Variants in DNAH8 observed in about 807,000 individuals in gnomAD.
DNAH8 encodes the protein dynein axonemal heavy chain 8.
In DNAH8, 382 loss-of-function variants were observed where a neutral mutation model predicts 562.1. The ratio of observed to expected loss-of-function variants is 0.68; its 90% CI spans 0.63 to 0.74. DNAH8 has a LOEUF of 0.74. Ranked by LOEUF, DNAH8 falls within the 30% of genes least tolerant of loss-of-function variation. The pLI is 0.00. For synonymous variants in DNAH8, 1,881 were observed against 1,919.4 expected (o/e 0.98, Z 0.52); for missense variants, 5,203 against 5,620.4 (o/e 0.93, Z 2.37).
Position 38,870,438 on chromosome 6 carries a change from A to G in DNAH8, c.6866A>G (p.Asn2289Ser). Residue 2289 changes from asparagine (N) to serine (S), a missense_variant, in exon 49 of 93, where the codon AAT becomes AGT. Asn to Ser is a conservative substitution (Grantham distance 46). Transcript: ENST00000327475. ...EDEPLFLSLI[N>S]DLFPGLQLDS... is the part of the protein sequence containing the mutation. ...GAACCCCTGTTCCTCAGCTTAATCA[A>G]TGACCTGTTCCCAGGACTGCAACTG... 1 of 1,614,068 alleles carries G rather than the reference A, an allele frequency of 6.2e-7. No homozygotes were observed.
intron 82 of DNAH8, among the ~76,000 whole-genome samples, chr6:38,963,737 C>A (rs2150671572): frequency 1.8e-5 from 1 of 55,776 alleles, no homozygotes; most frequent in Non-Finnish European, 3.3e-5. Flanking sequence ...TTGGGTGTTT[C>A]TCACAGAGGG....
chr6:38,776,185 T>C (rs1207615495), intron 13 of DNAH8, among the ~76,000 whole-genome samples: 1 of 151,834 alleles, frequency 6.6e-6, no homozygotes. Flanking sequence ...AGAGAGTAAC[T>C]AGAAGCCCAA....
intron 88 of DNAH8, among the ~76,000 whole-genome samples, chr6:38,993,760 A>AT (rs563209917): frequency 6.6e-6 from 1 of 150,602 alleles, no homozygotes; most frequent in Non-Finnish European, 1.5e-5. Context: ...TCTTCCTCAT[A>AT]TTTTTTTTTA....
chr6:38,829,013 C>G (rs769212941), intron 30 of DNAH8, among the ~76,000 whole-genome samples: 4 of 152,108 alleles, frequency 2.6e-5, no homozygotes, highest in Non-Finnish European at 5.9e-5. Context: ...TTGATTCTTT[C>G]ATTTAACATA....
chr6:38,781,961 C>A (rs1768658312), intron 16 of DNAH8, among the ~76,000 whole-genome samples: 1 of 152,034 alleles, frequency 6.6e-6, no homozygotes, highest in Non-Finnish European at 1.5e-5. Flanking sequence ...GACAGAGTCA[C>A]AAGGTGGAGT....
rs549619710 is a variant in DNAH8, at chr6:38,731,150, A to G, written c.610+1164A>G. Among the ~76,000 whole-genome samples the G allele has an allele frequency of 2.6e-4, 40 of 152,300 alleles. 2 individuals carry two copies. The South Asian group carries it at 7.3e-3, about 28-fold the overall frequency. On this transcript the variant is annotated intron_variant, in intron 4 of 92. Transcript: ENST00000327475. ...GGATTTTCTGTCTCTCACAGTTCCT[A>G]TTGTAGGAGGATTATTGTGTGGTCT... is the stretch of plus-strand genomic sequence containing the variant.
At chr6:39,011,148 C>T (rs1317687864) in intron 89 of DNAH8, among the ~76,000 whole-genome samples, 1 of 149,436 alleles carries the variant, frequency 6.7e-6, no homozygotes, top group Non-Finnish European at 1.5e-5. Flanking sequence ...CTTCCTCTTT[C>T]ACTCACTAGA....
At chr6:38,795,579 CAGAA>C (rs1770172585) in intron 21 of DNAH8, among the ~76,000 whole-genome samples, 4 of 107,480 alleles carry the variant, frequency 3.7e-5, no homozygotes, top group Admixed American at 9.8e-5. Context: ...GACTGTGTCT[CAGAA>C]AAAAAAAAAA....
Position 38,990,142 on chromosome 6 carries a change from T to C in DNAH8, c.13184T>C (p.Val4395Ala), listed in dbSNP as rs1221115991. 1 of 1,611,788 alleles carries C rather than the reference T, an allele frequency of 6.2e-7. No homozygotes were observed. Among genetic ancestry groups the C allele is most frequent in the South Asian group, 1.1e-5 (1 of 90,752 alleles). The stretch of plus-strand genomic sequence containing the variant: ...CTGCCATCCCTAGATAACCCTGAAG[T>C]CTTTGGGCTTCACCCTAATGCTGAT... ...QSLPSLDNPEVFGLHPNADIT... is the reference protein window; with the variant it reads ...QSLPSLDNPEAFGLHPNADIT... Residue 4395 changes from valine (V) to alanine (A), a missense_variant, in exon 88 of 93, where the codon GTC (valine) becomes GCC (alanine). Physicochemically the swap from Val to Ala is moderately conservative, Grantham distance 64. Coordinates refer to ENST00000327475, the MANE Select transcript of DNAH8 (RefSeq NM_001206927.2).
chr6:38,969,532 G>A (rs78261204), intron 82 of DNAH8, among the ~76,000 whole-genome samples: 5 of 152,076 alleles, frequency 3.3e-5, no homozygotes, highest in African/African-American at 9.7e-5. Context: ...GATAGAACAA[G>A]GTCCGTCAGG....
intron 1 of DNAH8, among the ~76,000 whole-genome samples, chr6:38,717,601 T>A (rs115203291): frequency 0.053 from 8,000 of 151,184 alleles, 292 homozygotes; most frequent in Admixed American, 0.084. Context: ...TATGCACAGA[T>A]GTAATACAAC....
At chr6:38,844,660 A>G (rs926875619) in intron 35 of DNAH8, among the ~76,000 whole-genome samples, 1 of 152,180 alleles carries the variant, frequency 6.6e-6, no homozygotes, top group African/African-American at 2.4e-5. Context: ...TTGGTACACA[A>G]AACAGAGTCT....
At chr6:38,876,970 G>A (rs1488842162) in intron 53 of DNAH8, among the ~76,000 whole-genome samples, 1 of 152,204 alleles carries the variant, frequency 6.6e-6, no homozygotes, top group Admixed American at 6.5e-5. Context: ...TGTGTTAGAT[G>A]CTGCTAAAGG....
chr6:38,891,117 T>C (rs1779314638), intron 58 of DNAH8, among the ~76,000 whole-genome samples: 1 of 152,236 alleles, frequency 6.6e-6, no homozygotes, highest in African/African-American at 2.4e-5. Context: ...CAGATGCTTA[T>C]TGACTGACTT....
At chr6:39,025,619 C>A (rs114984503) in intron 91 of DNAH8, among the ~76,000 whole-genome samples, 5,532 of 152,286 alleles carry the variant, frequency 0.036, 156 homozygotes, top group Non-Finnish European at 0.061. Context: ...CTCCCCTCCC[C>A]CAACTCCCAT....
intron 45 of DNAH8, among the ~76,000 whole-genome samples, chr6:38,865,421 A>C (rs577998791): frequency 6.6e-6 from 1 of 152,338 alleles, no homozygotes; most frequent in Admixed American, 6.5e-5. Context: ...TGGATTAAGA[A>C]TAATATTGGA....
chr6:38,816,153 G>A (rs901093429), intron 26 of DNAH8, among the ~76,000 whole-genome samples: 3 of 152,028 alleles, frequency 2.0e-5, no homozygotes, highest in African/African-American at 7.2e-5. Context: ...GTGCCATGGT[G>A]GTTTGCTGCA....
At chr6:38,958,637 G>T (rs1762416576) in intron 82 of DNAH8, among the ~76,000 whole-genome samples, 1 of 106,908 alleles carries the variant, frequency 9.4e-6, no homozygotes, top group South Asian at 3.2e-4. Flanking sequence ...CAGTGATTAA[G>T]TCTCCCATCA....
Position 38,875,631 on chromosome 6 carries a change from A to G in DNAH8, c.7661A>G (p.Glu2554Gly). ...GAAGGGTTAATTCCCTCCAAAGAAG[A>G]AGGCGGTGTTTCCTGTGTCGAACAT... ...LLEGLIPSKE[E>G]GGVSCVEHLH... Residue 2554 changes from glutamate to glycine, a missense_variant, in exon 53 of 93, where the codon GAA (glutamate) becomes GGA (glycine). By Grantham distance (98) the Glu-to-Gly change is moderately conservative. Transcript: ENST00000327475. The G allele has an allele frequency of 4.3e-6, 7 of 1,613,226 alleles. No homozygotes were observed. The highest frequency in any genetic ancestry group is 1.7e-5 in the Admixed American group (1 of 60,010).
Sources: allele counts gnomAD v4.1 joint callset (sites outside exome capture counted in the v4.1 genomes callset), GRCh38; gene constraint gnomAD v4.1.1; transcripts MANE v1.5; gene names NCBI Gene and HGNC (gene_info 2026-07-23, HGNC 2026-07-21).